Variants in NEK1 observed in about 807,000 individuals in gnomAD.
NEK1 encodes serine/threonine-protein kinase Nek1.
Under a neutral mutation model 182.1 loss-of-function variants are expected in NEK1, and 137 were observed. That is an observed-to-expected ratio of 0.75 (90% CI 0.65 to 0.87). The LOEUF is 0.87. NEK1 is among the 40% of genes least tolerant of loss of function. The pLI is 0.00. For missense variants in NEK1, 1,391 were observed against 1,494.4 expected, an observed-to-expected ratio of 0.93 and a Z score of 1.14; for synonymous variants, 513 against 492.2, an observed-to-expected ratio of 1.04 and a Z score of -0.56.
chr4:169,581,022 T>G, intron 10 of NEK1, 120 bp from the exon 11 acceptor site: 1 of 283,794 alleles, frequency 3.5e-6, no homozygotes, highest in Non-Finnish European at 6.3e-6. Context: ...AAATAAACTG[T>G]ACTAAAACCA....
chr4:169,582,041 T>TTTTC (rs1303051263), intron 10 of NEK1, among the ~76,000 whole-genome samples: 1 of 152,174 alleles, frequency 6.6e-6, no homozygotes, highest in Non-Finnish European at 1.5e-5. Context: ...GCAAGTAATT[T>TTTTC]TTTCTCCTTA....
Position 169,602,099 on chromosome 4 carries a change from G to T in NEK1, c.123C>A (p.Ser41=). Residue 41 remains serine, a synonymous_variant, in exon 4 of 36, where the codon TCC becomes TCA. Coordinates refer to ENST00000507142, the MANE Select transcript of NEK1 (RefSeq NM_001199397.3). ...TCCTTGATTCTTCTCTTTCTTTACT[G>T]GACATCTTAAATGGGAGGAAAAAGA... The part of the protein sequence containing the change: ...VIKEINISRM[S]SKEREESRRE... The T allele has an allele frequency of 6.2e-7, 1 of 1,609,430 alleles. No individual in the cohort carries two copies. Among genetic ancestry groups the T allele is most frequent in the Non-Finnish European group, 8.5e-7 (1 of 1,176,300 alleles).
intron 23 of NEK1, among the ~76,000 whole-genome samples, chr4:169,489,121 C>T (rs968049041): frequency 6.6e-6 from 1 of 152,114 alleles, no homozygotes; most frequent in Non-Finnish European, 1.5e-5. Flanking sequence ...TGAACATTTC[C>T]TTATGCACAG....
chr4:169,586,873 A>AT (rs1767626535), intron 9 of NEK1, among the ~76,000 whole-genome samples: 1 of 151,976 alleles, frequency 6.6e-6, no homozygotes, highest in South Asian at 2.1e-4. Flanking sequence ...AAAAAATTTC[A>AT]TTTTACAGGT....
rs77833783 is a variant in NEK1, at chr4:169,553,640, A to G, written c.1562+2080T>C. Among the ~76,000 whole-genome samples the G allele has an allele frequency of 4.5e-3, 683 of 152,366 alleles. 2 individuals are homozygous for G. Among genetic ancestry groups the G allele is most frequent in the East Asian group, 0.01 (54 of 5,192 alleles). ...TAAAGGACTGTTAAATAAAATATAC[A>G]AAGAACTTTTAAAACTCAACAATAT... On this transcript the variant is annotated intron_variant, in intron 18 of 35. Coordinates refer to ENST00000507142, the MANE Select transcript of NEK1 (RefSeq NM_001199397.3).
At chr4:169,407,595 T>A (rs1732872489) in intron 31 of NEK1, among the ~76,000 whole-genome samples, 1 of 152,150 alleles carries the variant, frequency 6.6e-6, no homozygotes. Flanking sequence ...GGATAAGGGA[T>A]AATAGAAATA....
chr4:169,445,141 A>G (rs2149446369), intron 27 of NEK1, among the ~76,000 whole-genome samples: 1 of 151,796 alleles, frequency 6.6e-6, no homozygotes, highest in Non-Finnish European at 1.5e-5. Flanking sequence ...CATATCACAA[A>G]AGGGCCAGAA....
At chr4:169,468,531 T>C (rs1166641663) in intron 26 of NEK1, among the ~76,000 whole-genome samples, 1 of 152,164 alleles carries the variant, frequency 6.6e-6, no homozygotes, top group East Asian at 1.9e-4. Flanking sequence ...TGCTGTGAAA[T>C]ACTTAGGGCA....
intron 33 of NEK1, among the ~76,000 whole-genome samples, chr4:169,400,997 T>G (rs1266728198): frequency 6.6e-6 from 1 of 151,406 alleles, no homozygotes; most frequent in South Asian, 2.1e-4. Flanking sequence ...TTTTCAAAAG[T>G]TGGTAATAAA....
chr4:169,446,931 T>C (rs1171971414), intron 27 of NEK1, among the ~76,000 whole-genome samples: 1 of 151,972 alleles, frequency 6.6e-6, no homozygotes, highest in Non-Finnish European at 1.5e-5. Context: ...GAATAAGGAA[T>C]ACCTACAAGA....
intron 19 of NEK1, among the ~76,000 whole-genome samples, chr4:169,532,813 A>G (rs1346789318): frequency 1.3e-5 from 2 of 151,502 alleles, no homozygotes; most frequent in African/African-American, 4.9e-5. Flanking sequence ...TTAGCCGGGC[A>G]TGATGGCACG....
chr4:169,570,912 G>A (rs1402760593), intron 12 of NEK1, among the ~76,000 whole-genome samples: 5 of 152,124 alleles, frequency 3.3e-5, no homozygotes, highest in Non-Finnish European at 7.3e-5. Flanking sequence ...CATGTGCTGT[G>A]TCCACTCAGG....
chr4:169,497,846 AGGTGT>A (rs1437123615), intron 23 of NEK1, among the ~76,000 whole-genome samples: 2 of 152,178 alleles, frequency 1.3e-5, no homozygotes, highest in African/African-American at 4.8e-5. Flanking sequence ...ATTTTGAAAT[AGGTGT>A]GGTGTGGTGC....
intron 23 of NEK1, among the ~76,000 whole-genome samples, chr4:169,505,478 T>C (rs1366482536): frequency 1.3e-5 from 2 of 152,250 alleles, no homozygotes. Context: ...CAGCATATAA[T>C]ACACATAACA....
At chr4:169,408,890 G>A (rs1050355959) in intron 31 of NEK1, among the ~76,000 whole-genome samples, 44 of 152,258 alleles carry the variant, frequency 2.9e-4, no homozygotes, top group African/African-American at 9.4e-4. Flanking sequence ...CAGTTAGGTC[G>A]TTTCCATATC....
chr4:169,555,622 C>T (rs1193383954), intron 18 of NEK1, 98 bp downstream of exon 18: 1 of 1,502,830 alleles, frequency 6.7e-7, no homozygotes, highest in Non-Finnish European at 9.2e-7. Context: ...CATATGTGAA[C>T]AATGGAGAAA....
At chr4:169,537,303 CTTAAT>C (rs1316813415) in intron 19 of NEK1, among the ~76,000 whole-genome samples, 2 of 152,090 alleles carry the variant, frequency 1.3e-5, no homozygotes, top group South Asian at 2.1e-4. Flanking sequence ...GGATACATAA[CTTAAT>C]TTAGTTAAAT....
chr4:169,581,202 A>T (rs905109226), intron 10 of NEK1, among the ~76,000 whole-genome samples: 11 of 151,466 alleles, frequency 7.3e-5, no homozygotes, highest in South Asian at 2.1e-4. Flanking sequence ...TAAGAAAAAT[A>T]AAAAAAAATC....
chr4:169,475,987 G>A (rs1053919217), intron 26 of NEK1, among the ~76,000 whole-genome samples: 11 of 152,052 alleles, frequency 7.2e-5, no homozygotes, highest in Admixed American at 5.2e-4. Context: ...AGTCCCTAAA[G>A]GACAGAAGAA....
Sources: allele counts gnomAD v4.1 joint callset (sites outside exome capture counted in the v4.1 genomes callset), GRCh38; gene constraint gnomAD v4.1.1; transcripts MANE v1.5; gene names NCBI Gene and HGNC (gene_info 2026-07-23, HGNC 2026-07-21).